MCU: variants seen among roughly 807,000 people sequenced by gnomAD.
MCU encodes the protein calcium uniporter protein, mitochondrial.
Under a neutral mutation model 45.2 loss-of-function variants are expected in MCU, and 12 were observed. The ratio of observed to expected loss-of-function variants is 0.27; its 90% confidence interval spans 0.17 to 0.43. The LOEUF (loss-of-function observed/expected upper bound fraction) is 0.43. MCU is among the 20% of genes least tolerant of loss of function. The pLI is 1.00. For missense variants in MCU, 324 were observed against 436.7 expected, an observed-to-expected ratio of 0.74 and a Z score of 2.30; for synonymous variants, 160 against 165.1, an observed-to-expected ratio of 0.97 and a Z score of 0.24.
chr10:72,722,382 C>T (rs999040826), intron 1 of MCU, among the ~76,000 whole-genome samples: 1 of 150,358 alleles, frequency 6.7e-6, no homozygotes, highest in Non-Finnish European at 1.5e-5. Flanking sequence ...CACCTTTTCC[C>T]CTTAACCTCA....
At chr10:72,729,214 C>T (rs1843138889) in intron 1 of MCU, among the ~76,000 whole-genome samples, 2 of 152,158 alleles carry the variant, frequency 1.3e-5, no homozygotes, top group Non-Finnish European at 2.9e-5. Context: ...CCTGTAATCC[C>T]AGCACTTTGG....
chr10:72,871,304 G>T lies in MCU; in HGVS notation c.658-73G>T. The T allele has an allele frequency of 2.2e-6, 3 of 1,345,872 alleles. No individual in the cohort carries two copies. In the South Asian group the frequency reaches 3.5e-5, roughly 16 times the overall value. The allele number at this position is 1,345,872 out of a possible 1,614,324, so 83.4% of individuals were successfully genotyped here. A position where few individuals can be genotyped will look rare whatever the true frequency, so the allele number is the denominator to read the frequency against. ...TGATGATGAGCCCTGTTTCTTTAGT[G>T]AACATAGAACAGTTTAAGCCTTTTT... On this transcript the variant is annotated intron_variant, in intron 5 of 7. Transcript: ENST00000373053.
intron 1 of MCU, among the ~76,000 whole-genome samples, chr10:72,733,687 A>G (rs1199610915): frequency 2.1e-5 from 3 of 145,710 alleles, no homozygotes; most frequent in Non-Finnish European, 4.5e-5. Flanking sequence ...TTTCATATAT[A>G]TATATATATA....
At chr10:72,699,304 A>C (rs1288888312) in intron 1 of MCU, among the ~76,000 whole-genome samples, 2 of 152,100 alleles carry the variant, frequency 1.3e-5, no homozygotes, top group Non-Finnish European at 2.9e-5. Flanking sequence ...CAGGAGTTCG[A>C]GACCAGCCTG....
At chr10:72,821,984 A>G (rs1206700309) in intron 1 of MCU, among the ~76,000 whole-genome samples, 2 of 152,220 alleles carry the variant, frequency 1.3e-5, no homozygotes, top group Non-Finnish European at 2.9e-5. Flanking sequence ...TGCATCAAAG[A>G]AGAAATAACG....
At chr10:72,704,845 C>T (rs917869218) in intron 1 of MCU, among the ~76,000 whole-genome samples, 14 of 151,682 alleles carry the variant, frequency 9.2e-5, no homozygotes, top group East Asian at 3.9e-4. Context: ...CTCAGCCTCC[C>T]GAGTAGCTGG....
intron 1 of MCU, among the ~76,000 whole-genome samples, chr10:72,697,473 G>C (rs1301579621): frequency 2.7e-5 from 3 of 113,008 alleles, no homozygotes; most frequent in Admixed American, 1.2e-4. Flanking sequence ...TCGCTCTGTT[G>C]CCCAGGCTGG....
At chr10:72,774,741 T>TA (rs1843864761) in intron 1 of MCU, among the ~76,000 whole-genome samples, 1 of 151,782 alleles carries the variant, frequency 6.6e-6, no homozygotes, top group South Asian at 2.1e-4. Flanking sequence ...AGAGTAGGAG[T>TA]AGCTATACTT....
intron 1 of MCU, among the ~76,000 whole-genome samples, chr10:72,722,932 C>G (rs1340730060): frequency 6.6e-6 from 1 of 152,036 alleles, no homozygotes; most frequent in Non-Finnish European, 1.5e-5. Flanking sequence ...TGTGGTGGCT[C>G]ACGCCTGTAA....
chr10:72,783,532 C>T (rs1844026846), intron 1 of MCU, among the ~76,000 whole-genome samples: 1 of 152,120 alleles, frequency 6.6e-6, no homozygotes, highest in Non-Finnish European at 1.5e-5. Flanking sequence ...TCCTCTCTTC[C>T]TAGGAGAGTT....
chr10:72,870,618 C>G (rs948325658), intron 5 of MCU, among the ~76,000 whole-genome samples: 1 of 152,188 alleles, frequency 6.6e-6, no homozygotes, highest in Non-Finnish European at 1.5e-5. Flanking sequence ...TGGAACAACT[C>G]TTTAATGAAG....
rs1282974200 is a variant in MCU at position 72,751,174 on chromosome 10, T to A, written c.150+58873T>A. Among the ~76,000 whole-genome samples, 10 of 151,026 alleles carry A rather than the reference T, an allele frequency of 6.6e-5. No homozygotes were observed. In the East Asian group the frequency reaches 1.8e-3, roughly 27 times the overall value. On this transcript the variant is annotated intron_variant, in intron 1 of 7. Transcript: ENST00000373053. ...CGCCACCATACCTGGCTAATTTTTT[T>A]ATATTTTTGGTAGAGATGGGGTTTC...
chr10:72,718,098 G>T (rs1422019540), intron 1 of MCU, among the ~76,000 whole-genome samples: 4 of 152,020 alleles, frequency 2.6e-5, no homozygotes, highest in African/African-American at 9.7e-5. Context: ...TCTGTTCTTG[G>T]ATTAAAGGAA....
chr10:72,834,523 T>C, intron 2 of MCU, 95 bp downstream of exon 2: 1 of 1,051,686 alleles, frequency 9.5e-7, no homozygotes, highest in Non-Finnish European at 1.4e-6. Context: ...TAAACCATAC[T>C]CTTTCAGTTA....
rs1163464225 is a variant in MCU at position 72,886,983 on chromosome 10, GAGAGAA to G, written c.*1168_*1173del. The stretch of plus-strand genomic sequence containing the variant: ...ACCCTATTTTTTCTTATCTTAAATT[GAGAGAA>G]AGAGAATTAATCTTATACTTTGTCA... On this transcript the variant is annotated 3_prime_UTR_variant, in exon 8 of 8. Coordinates refer to ENST00000373053, the MANE Select transcript of MCU (RefSeq NM_138357.3). 6.6e-6 allele frequency: 1 copy of G among 152,286 alleles called. No homozygotes were observed. Among genetic ancestry groups the G allele is most frequent in the Non-Finnish European group, 1.5e-5 (1 of 68,022 alleles). 9.4% of individuals were successfully genotyped at this position (152,286 alleles called of 1,614,324 possible).
At chr10:72,773,998 C>T (rs1433402969) in intron 1 of MCU, among the ~76,000 whole-genome samples, 2 of 152,146 alleles carry the variant, frequency 1.3e-5, no homozygotes, top group African/African-American at 4.8e-5. Flanking sequence ...TGAAAGAAAA[C>T]ATAAACCAAC....
chr10:72,760,724 T>G (rs1313035179), intron 1 of MCU: 2 of 151,578 alleles, frequency 1.3e-5, no homozygotes, highest in Non-Finnish European at 2.8e-5. Flanking sequence ...TTCTTTTTTT[T>G]TTTTTTTTTG....
At chr10:72,834,313 TTTG>T (rs757273684) in intron 1 of MCU, 43 bp from the exon 2 acceptor site, 1 of 1,404,654 alleles carries the variant, frequency 7.1e-7, no homozygotes, top group South Asian at 1.2e-5. Context: ...TAAGTATATG[TTTG>T]TTGTTCCATT....
At chr10:72,855,125 G>C (rs1845267746) in intron 2 of MCU, among the ~76,000 whole-genome samples, 1 of 152,038 alleles carries the variant, frequency 6.6e-6, no homozygotes, top group African/African-American at 2.4e-5. Context: ...TGTAGTCTCA[G>C]CTACCCAGGA....
Sources: allele counts gnomAD v4.1 joint callset (sites outside exome capture counted in the v4.1 genomes callset), GRCh38; gene constraint gnomAD v4.1.1; transcripts MANE v1.5; gene names NCBI Gene and HGNC (gene_info 2026-07-23, HGNC 2026-07-21).